Variants in RYK observed in about 807,000 individuals in gnomAD.
The protein encoded by RYK is receptor like tyrosine kinase, also known as inactive tyrosine-protein kinase RYK.
A neutral mutation model predicts 70.2 loss-of-function variants in RYK; 21 were observed. That is an observed-to-expected ratio of 0.30 (90% confidence interval 0.21 to 0.43). The LOEUF (loss-of-function observed/expected upper bound fraction) is 0.43. Among genes scored for constraint, RYK ranks in the 20% least tolerant of loss-of-function variants. The pLI is 1.00. For synonymous variants in RYK, 267 were observed against 278.0 expected, an observed-to-expected ratio of 0.96 and a Z score of 0.39; for missense variants, 604 against 753.3, an observed-to-expected ratio of 0.80 and a Z score of 2.32.
chr3:134,250,054 C>G (rs1367218398), intron 1 of RYK, among the ~76,000 whole-genome samples: 1 of 151,444 alleles, frequency 6.6e-6, no homozygotes, highest in Non-Finnish European at 1.5e-5. Context: ...ATCGAGGGCC[C>G]TAGAGTGACA....
intron 1 of RYK, among the ~76,000 whole-genome samples, chr3:134,241,549 C>A (rs187538339): frequency 3.2e-4 from 48 of 152,238 alleles, no homozygotes; most frequent in African/African-American, 1.1e-3. Flanking sequence ...ATGTGGAAAA[C>A]CTGTACCTCC....
At chr3:134,213,090 G>T (rs2014450843) in intron 2 of RYK, among the ~76,000 whole-genome samples, 1 of 152,136 alleles carries the variant, frequency 6.6e-6, no homozygotes, top group South Asian at 2.1e-4. Context: ...CTGCCACCAG[G>T]GGGTGCTAGA....
At chr3:134,220,059 G>C (rs2014690897) in intron 2 of RYK, among the ~76,000 whole-genome samples, 1 of 152,180 alleles carries the variant, frequency 6.6e-6, no homozygotes, top group Admixed American at 6.5e-5. Flanking sequence ...CTTGTGCACT[G>C]GGAAGGACAG....
chr3:134,225,113 C>T (rs6795532), intron 1 of RYK, among the ~76,000 whole-genome samples: 113,862 of 152,142 alleles, frequency 0.75, 43,296 homozygotes, highest in East Asian at 0.99. Flanking sequence ...GACAGAAATG[C>T]AGACCCTTCT....
At chr3:134,220,389 T>G (rs2014698602) in intron 2 of RYK, among the ~76,000 whole-genome samples, 1 of 152,142 alleles carries the variant, frequency 6.6e-6, no homozygotes. Context: ...AAGAATGCCC[T>G]TTTTCTTAGA....
rs746877198 is a variant in RYK at position 134,195,181 on chromosome 3, T to C, written c.790A>G (p.Ile264Val). The C allele has an allele frequency of 2.5e-6, 4 of 1,605,736 alleles. No individual in the cohort carries two copies. Among genetic ancestry groups the C allele is most frequent in the South Asian group, 2.2e-5 (2 of 89,576 alleles). ...SMKRIELDDSISASSSSQGLS... is the reference protein window; with the variant it reads ...SMKRIELDDSVSASSSSQGLS... ...CCTTGGGAACTACTGCTGGCACTAA[T>C]GCTGCAAACAATTTTTGAGAGAAAT... Residue 264 changes from isoleucine to valine, a missense_variant and splice_region_variant, in exon 7 of 15, where the codon ATT (isoleucine) becomes GTT (valine). Transcript: ENST00000623711.
At position 134,168,148 on chromosome 3, in the gene RYK, T is replaced by C. The variant is rs184386313; in HGVS notation, c.1575+7461A>G. Among the ~76,000 whole-genome samples, 3 of 152,278 alleles carry C rather than the reference T, an allele frequency of 2.0e-5. No homozygotes were observed. In the East Asian group the frequency reaches 5.8e-4, roughly 29 times the overall value. On this transcript the variant is annotated intron_variant, in intron 13 of 14. Coordinates refer to ENST00000623711, the MANE Select transcript of RYK (RefSeq NM_002958.4). ...AGGTGATGGAGAGGATGTGGAGAAA[T>C]AGAAACACTTTTACACTGTTGGTGG...
At chr3:134,230,735 T>C (rs1432676349) in intron 1 of RYK, among the ~76,000 whole-genome samples, 1 of 152,188 alleles carries the variant, frequency 6.6e-6, no homozygotes, top group Non-Finnish European at 1.5e-5. Flanking sequence ...AAATGTCCTA[T>C]ATCTTGGTTG....
At chr3:134,232,989 T>G (rs1222358966) in intron 1 of RYK, among the ~76,000 whole-genome samples, 2 of 152,266 alleles carry the variant, frequency 1.3e-5, no homozygotes, top group African/African-American at 4.8e-5. Context: ...TACCCAGGAC[T>G]CCCTGCTCAA....
At chr3:134,187,626 G>A (rs2013505702) in intron 9 of RYK, among the ~76,000 whole-genome samples, 1 of 151,832 alleles carries the variant, frequency 6.6e-6, no homozygotes, top group East Asian at 1.9e-4. Flanking sequence ...ATGATCAGGG[G>A]TCACTGCAGC....
At chr3:134,167,373 G>A (rs1426585011) in intron 13 of RYK, among the ~76,000 whole-genome samples, 1 of 152,118 alleles carries the variant, frequency 6.6e-6, no homozygotes, top group Non-Finnish European at 1.5e-5. Flanking sequence ...AACCAAAACA[G>A]CATGGTACTG....
chr3:134,235,208 C>G (rs1283752417), intron 1 of RYK, among the ~76,000 whole-genome samples: 1 of 151,936 alleles, frequency 6.6e-6, no homozygotes, highest in African/African-American at 2.4e-5. Context: ...TCTTAACCAT[C>G]ACAAATGGTT....
At chr3:134,237,969 T>C (rs150280638) in intron 1 of RYK, among the ~76,000 whole-genome samples, 65 of 152,328 alleles carry the variant, frequency 4.3e-4, no homozygotes, top group Non-Finnish European at 8.2e-4. Context: ...AACCACTGAA[T>C]ACATTTTAAT....
At chr3:134,161,927 G>A (rs1035409474) in intron 13 of RYK, among the ~76,000 whole-genome samples, 1 of 152,178 alleles carries the variant, frequency 6.6e-6, no homozygotes, top group Non-Finnish European at 1.5e-5. Flanking sequence ...CTGATAGCTA[G>A]AAGTCCAAAT....
intron 1 of RYK, among the ~76,000 whole-genome samples, chr3:134,229,966 GA>G (rs1418797451): frequency 2.0e-5 from 3 of 152,080 alleles, no homozygotes; most frequent in Non-Finnish European, 4.4e-5. Flanking sequence ...AACTACTTTG[GA>G]AAACACAGTT....
intron 1 of RYK, among the ~76,000 whole-genome samples, chr3:134,225,844 A>T (rs988751071): frequency 1.3e-5 from 2 of 149,928 alleles, no homozygotes; most frequent in African/African-American, 2.4e-5. Flanking sequence ...GTAACACAAG[A>T]CCCTCTCTCT....
intron 2 of RYK, among the ~76,000 whole-genome samples, chr3:134,220,265 A>T (rs184403204): frequency 9.2e-5 from 14 of 152,360 alleles, no homozygotes; most frequent in African/African-American, 3.1e-4. Flanking sequence ...CTAGTAAAAA[A>T]TTAGCTATGA....
chr3:134,167,092 A>G (rs900107457), intron 13 of RYK, among the ~76,000 whole-genome samples: 2 of 152,148 alleles, frequency 1.3e-5, no homozygotes, highest in Non-Finnish European at 1.5e-5. Flanking sequence ...AAGGAAACAA[A>G]TATTAGGAAT....
At chr3:134,186,191 G>A (rs1181354360) in intron 9 of RYK, among the ~76,000 whole-genome samples, 1 of 152,114 alleles carries the variant, frequency 6.6e-6, no homozygotes. Context: ...TTTATTTTAT[G>A]GAATTCAATT....
Sources: gnomAD v4.1 joint callset for allele counts (sites outside exome capture counted in the v4.1 genomes callset) on GRCh38, gnomAD v4.1.1 for gene constraint, MANE v1.5 for transcripts, NCBI Gene and HGNC (gene_info 2026-07-23, HGNC 2026-07-21) for gene names.